Variants in ATRX observed in about 807,000 individuals in gnomAD.
ATRX encodes ATRX chromatin remodeler.
In ATRX, 12 loss-of-function variants were observed where a neutral mutation model predicts 172.6. The observed-to-expected ratio is 0.07, with a 90% CI of 0.04 to 0.11. The LOEUF (loss-of-function observed/expected upper bound fraction) is 0.11, where lower values mean the gene tolerates loss of function less well. Ranked by LOEUF, ATRX falls within the 10% of genes least tolerant of loss-of-function variation. The pLI, the probability that ATRX is intolerant of heterozygous loss-of-function variation, is 1.00. For synonymous variants in ATRX, 674 were observed against 594.7 expected, an observed-to-expected ratio of 1.13 and a Z score of -1.94; for missense variants, 1,368 against 1,767.4, an observed-to-expected ratio of 0.77 and a Z score of 4.05.
rs3063059 is a variant in ATRX at position 77,692,846 on chromosome X, A to AGTGTGTGTGT, written c.484+968_484+977dup. On this transcript the variant is annotated intron_variant, in intron 6 of 34. Transcript: ENST00000373344. ...TTTATAGATGGTTAGCCAATATTAG[A>AGTGTGTGTGT]GTGTGTGTGTGTGTGTGTGTGTGTG... Among the ~76,000 whole-genome samples the AGTGTGTGTGT allele has an allele frequency of 4.3e-3, 354 of 82,092 alleles. 4 individuals carry two copies. The highest frequency in any genetic ancestry group is 0.013 in the Middle Eastern group (2 of 160). The allele number at this position is 82,092 out of a possible 115,157, so 71.3% of individuals were successfully genotyped here.
At chrX:77,605,383 G>A (rs971240835) in intron 22 of ATRX, among the ~76,000 whole-genome samples, 8 of 110,920 alleles carry the variant, frequency 7.2e-5, no homozygotes, top group Non-Finnish European at 1.5e-4. Flanking sequence ...AGCTGAGATC[G>A]CACCACTGCA....
At chrX:77,624,280 T>C (rs183093413) in intron 19 of ATRX, among the ~76,000 whole-genome samples, 6,526 of 110,515 alleles carry the variant, frequency 0.059, 295 homozygotes, top group East Asian at 0.38. Flanking sequence ...GGCAGGAGAA[T>C]GGCGTGAACC....
At chrX:77,513,464 G>A (rs782745006) in intron 34 of ATRX, among the ~76,000 whole-genome samples, 13 of 110,202 alleles carry the variant, frequency 1.2e-4, no homozygotes, top group African/African-American at 3.0e-4. Flanking sequence ...GAGAGTGGGC[G>A]GAGGGAAGAA....
chrX:77,703,414 G>A (rs2072642956), intron 2 of ATRX, among the ~76,000 whole-genome samples: 1 of 112,762 alleles, frequency 8.9e-6, no homozygotes, highest in Non-Finnish European at 1.9e-5. Context: ...AGCTCCAGGT[G>A]CCAGCATGGG....
intron 1 of ATRX, among the ~76,000 whole-genome samples, chrX:77,767,201 G>A (rs1339663794): frequency 3.0e-4 from 33 of 108,592 alleles, no homozygotes; most frequent in Non-Finnish European, 6.2e-4. Context: ...GCATCAGAGG[G>A]AGACCGTGGA....
At chrX:77,777,948 C>T (rs782733877) in intron 1 of ATRX, among the ~76,000 whole-genome samples, 1 of 108,684 alleles carries the variant, frequency 9.2e-6, no homozygotes, top group East Asian at 2.9e-4. Flanking sequence ...CCAGCCTGGC[C>T]AATATGGTGA....
At chrX:77,727,932 T>C (rs1910286928) in intron 1 of ATRX, 1 of 112,351 alleles carries the variant, frequency 8.9e-6, no homozygotes, top group Non-Finnish European at 1.9e-5. Flanking sequence ...AAACTCAGAC[T>C]GTCTACAAAT....
At chrX:77,557,714 A>G in intron 29 of ATRX, 69 bp from the exon 30 acceptor site, 1 of 944,808 alleles carries the variant, frequency 1.1e-6, no homozygotes, top group Non-Finnish European at 1.5e-6. Context: ...ATCAAGGATA[A>G]ATACGGTTAC....
intron 34 of ATRX, among the ~76,000 whole-genome samples, chrX:77,514,835 C>T (rs1318910031): frequency 8.9e-6 from 1 of 112,255 alleles, no homozygotes; most frequent in Non-Finnish European, 1.9e-5. Context: ...AGACAACCTA[C>T]AGAATTGCAG....
chrX:77,766,344 C>T (rs1198543576), intron 1 of ATRX, among the ~76,000 whole-genome samples: 5 of 109,614 alleles, frequency 4.6e-5, no homozygotes, highest in Non-Finnish European at 9.5e-5. Flanking sequence ...CCCTCCTGGA[C>T]GGGGTGGCTG....
intron 9 of ATRX, among the ~76,000 whole-genome samples, chrX:77,677,484 T>C (rs564872566): frequency 9.0e-6 from 1 of 111,570 alleles, no homozygotes; most frequent in Admixed American, 9.5e-5. Flanking sequence ...TGGTGGTGAT[T>C]ATACAAAGAT....
intron 2 of ATRX, among the ~76,000 whole-genome samples, chrX:77,703,696 C>T (rs1222157102): frequency 1.8e-5 from 2 of 112,208 alleles, no homozygotes; most frequent in Admixed American, 9.4e-5. Context: ...ATTTTAGCCT[C>T]ATCTGGCAGG....
intron 30 of ATRX, among the ~76,000 whole-genome samples, chrX:77,545,974 A>C (rs1283534653): frequency 1.8e-5 from 2 of 111,368 alleles, no homozygotes; most frequent in African/African-American, 6.5e-5. Context: ...TTGTGTAGTA[A>C]CTAGATGAAA....
At chrX:77,749,161 T>C (rs1355814628) in intron 1 of ATRX, among the ~76,000 whole-genome samples, 6 of 111,319 alleles carry the variant, frequency 5.4e-5, no homozygotes, top group Non-Finnish European at 9.4e-5. Context: ...CTCTATTCTA[T>C]GTGTAACCAT....
At position 77,633,399 on chromosome X, in the gene ATRX, TAAAG is replaced by T; in HGVS notation, c.4957-19_4957-16del. On this transcript the variant is annotated splice_polypyrimidine_tract_variant and intron_variant, in intron 18 of 34. Coordinates refer to ENST00000373344, the MANE Select transcript of ATRX (RefSeq NM_000489.6). ...AATTCAGAAACCTTTTGTGGGGAAA[TAAAG>T]ATTTTTTTAAGTAGCTACTAAAAAC... 8.3e-7 allele frequency: 1 copy of T among 1,201,466 alleles called. No individual in the cohort carries two copies. The highest frequency in any genetic ancestry group is 1.1e-6 in the Non-Finnish European group (1 of 889,638).
intron 1 of ATRX, among the ~76,000 whole-genome samples, chrX:77,725,393 T>C (rs782798033): frequency 3.6e-5 from 4 of 111,929 alleles, no homozygotes; most frequent in Non-Finnish European, 7.5e-5. Context: ...ATTTAACAAA[T>C]GGTGCTGGGA....
At chrX:77,672,658 T>TA (rs1557131578) in intron 10 of ATRX, among the ~76,000 whole-genome samples, 1 of 110,973 alleles carries the variant, frequency 9.0e-6, no homozygotes, top group African/African-American at 3.3e-5. Flanking sequence ...CAATTTTTTT[T>TA]AGCAATCTCC....
At chrX:77,647,158 A>G (rs2068961225) in intron 15 of ATRX, among the ~76,000 whole-genome samples, 1 of 112,023 alleles carries the variant, frequency 8.9e-6, no homozygotes, top group Non-Finnish European at 1.9e-5. Context: ...TGGAAATTAA[A>G]TAAGTAACTA....
intron 2 of ATRX, among the ~76,000 whole-genome samples, chrX:77,716,323 AATATATATATATAT>A (rs1292367303): frequency 4.8e-5 from 1 of 21,039 alleles, no homozygotes; most frequent in African/African-American, 1.7e-4. Context: ...AAAAAAAAAA[AATATATATATATAT>A]ATATATATAT....
Sources: allele counts gnomAD v4.1 joint callset (sites outside exome capture counted in the v4.1 genomes callset), GRCh38; gene constraint gnomAD v4.1.1; transcripts MANE v1.5; gene names NCBI Gene and HGNC (gene_info 2026-07-23, HGNC 2026-07-21).